PTPRG: variants seen among roughly 807,000 people sequenced by gnomAD.
PTPRG encodes the protein protein tyrosine phosphatase receptor type G.
In PTPRG, 102 loss-of-function variants were observed where a neutral mutation model predicts 165.3. The observed-to-expected ratio is 0.62, with a 90% confidence interval of 0.53 to 0.73. The LOEUF is 0.73. PTPRG is among the 30% of genes least tolerant of loss of function. The pLI is 0.00. For missense variants in PTPRG, 1,866 were observed against 1,861.4 expected (o/e 1.00, Z -0.05); for synonymous variants, 675 against 669.5 (o/e 1.01, Z -0.13).
At chr3:62,014,643 G>A (rs739984) in intron 4 of PTPRG, among the ~76,000 whole-genome samples, 35,684 of 151,930 alleles carry the variant, frequency 0.23, 4,792 homozygotes, top group African/African-American at 0.37. Context: ...GGGAAGACTT[G>A]GAGTGAGAGA....
At chr3:61,729,617 T>C (rs1317924222) in intron 1 of PTPRG, among the ~76,000 whole-genome samples, 1 of 152,222 alleles carries the variant, frequency 6.6e-6, no homozygotes, top group African/African-American at 2.4e-5. Flanking sequence ...AAATGAGCTT[T>C]ACTTTTACAC....
chr3:61,730,028 C>T (rs961581816), intron 1 of PTPRG, among the ~76,000 whole-genome samples: 7 of 152,094 alleles, frequency 4.6e-5, no homozygotes, highest in South Asian at 2.1e-4. Context: ...AATGATAGTG[C>T]GTCTTATTTT....
chr3:61,894,301 C>CAAA lies in PTPRG; in HGVS notation c.191-95293_191-95291dup, dbSNP rs767479285. Among the ~76,000 whole-genome samples, 408 of 49,840 alleles carry CAAA rather than the reference C, an allele frequency of 8.2e-3. 63 individuals are homozygous for CAAA. The highest frequency in any genetic ancestry group is 0.034 in the East Asian group (35 of 1,040). 32.7% of individuals were successfully genotyped at this position (49,840 alleles called of 152,430 possible). On this transcript the variant is annotated intron_variant, in intron 2 of 29. Coordinates refer to ENST00000474889, the MANE Select transcript of PTPRG (RefSeq NM_002841.4). ...CGGGCAACAGAGCAAGACTCTGTGT[C>CAAA]AAAAAAAAAAAAAAAAAAAAAAAAA... is the stretch of plus-strand genomic sequence containing the variant.
At chr3:62,192,106 TCAC>T (rs1382634632) in intron 9 of PTPRG, among the ~76,000 whole-genome samples, 2 of 152,170 alleles carry the variant, frequency 1.3e-5, no homozygotes, top group African/African-American at 4.8e-5. Flanking sequence ...GCTGCTGATG[TCAC>T]CACCACCACT....
At position 61,562,237 on chromosome 3, in the gene PTPRG, T is replaced by C. The variant is rs369507033; in HGVS notation, c.-51T>C. On this transcript the variant is annotated 5_prime_UTR_variant, in exon 1 of 30. Coordinates refer to ENST00000474889, the MANE Select transcript of PTPRG (RefSeq NM_002841.4). ...AGGCTCGCACGGAGGCAAGAACTTA[T>C]TCAACAAGTTTACCTCCCTGCTTTC... The C allele has an allele frequency of 3.3e-5, 51 of 1,536,944 alleles. 1 individual carries two copies. The highest frequency in any genetic ancestry group is 2.8e-4 in the South Asian group (25 of 89,558).
intron 2 of PTPRG, among the ~76,000 whole-genome samples, chr3:61,755,495 C>G (rs1295316251): frequency 1.3e-5 from 2 of 152,192 alleles, no homozygotes; most frequent in African/African-American, 4.8e-5. Flanking sequence ...CTACATATCC[C>G]TATTAATCTT....
At chr3:61,701,001 G>A (rs1373711148) in intron 1 of PTPRG, among the ~76,000 whole-genome samples, 1 of 152,300 alleles carries the variant, frequency 6.6e-6, no homozygotes, top group African/African-American at 2.4e-5. Context: ...AGGAAGTGAA[G>A]ACAGTCTAGG....
At position 61,562,238 on chromosome 3, in the gene PTPRG, TCAA is replaced by T. The variant is rs757344090; in HGVS notation, c.-46_-44del. ...GGCTCGCACGGAGGCAAGAACTTATTCAACAAGTTTACCTCCCTGCTTTCCTCT... is the reference window on the plus strand; with the variant it reads ...GGCTCGCACGGAGGCAAGAACTTATTCAAGTTTACCTCCCTGCTTTCCTCT... On this transcript the variant is annotated 5_prime_UTR_variant, in exon 1 of 30. Transcript: ENST00000474889. The T allele has an allele frequency of 1.3e-6, 2 of 1,544,126 alleles. No individual in the cohort carries two copies. Among genetic ancestry groups the T allele is most frequent in the Non-Finnish European group, 1.8e-6 (2 of 1,116,464 alleles).
intron 1 of PTPRG, among the ~76,000 whole-genome samples, chr3:61,601,977 C>T (rs1487423207): frequency 6.6e-6 from 1 of 152,212 alleles, no homozygotes; most frequent in Non-Finnish European, 1.5e-5. Context: ...TAGAGCGTTG[C>T]TGTCAACCTT....
chr3:61,700,719 C>T (rs1420107701), intron 1 of PTPRG, among the ~76,000 whole-genome samples: 2 of 152,168 alleles, frequency 1.3e-5, no homozygotes, highest in African/African-American at 4.8e-5. Flanking sequence ...CCAGAATATT[C>T]ACATTTTGGG....
At chr3:61,855,856 C>A (rs941181449) in intron 2 of PTPRG, among the ~76,000 whole-genome samples, 26 of 151,860 alleles carry the variant, frequency 1.7e-4, no homozygotes, top group Non-Finnish European at 3.1e-4. Flanking sequence ...GGCATTAAAC[C>A]AAGGAAGTGT....
At chr3:61,801,846 C>T (rs921879406) in intron 2 of PTPRG, among the ~76,000 whole-genome samples, 4 of 152,144 alleles carry the variant, frequency 2.6e-5, no homozygotes, top group South Asian at 2.1e-4. Flanking sequence ...GGTGAAACTC[C>T]GGCTCTACTA....
chr3:61,740,703 T>C (rs2032942488), intron 1 of PTPRG, among the ~76,000 whole-genome samples: 1 of 152,218 alleles, frequency 6.6e-6, no homozygotes, highest in South Asian at 2.1e-4. Flanking sequence ...GTGTGATTCC[T>C]CTTTCCCTTG....
In PTPRG at chr3:61,562,372, G is replaced by C; in HGVS notation, c.85G>C (p.Ala29Pro). Residue 29 changes from alanine (A) to proline (P), a missense_variant and splice_region_variant, in exon 1 of 30, where the codon GCG becomes CCG. Coordinates refer to ENST00000474889, the MANE Select transcript of PTPRG (RefSeq NM_002841.4). ...SVLHYVVCFP[A>P]LTEGYVGALH... ...GCTCCATTATGTCGTGTGCTTCCCCGGTGAGTGCCGGCCGCCGAGGGGATG... is the reference window on the plus strand; with the variant it reads ...GCTCCATTATGTCGTGTGCTTCCCCCGTGAGTGCCGGCCGCCGAGGGGATG... The C allele has an allele frequency of 6.2e-7, 1 of 1,613,266 alleles. No homozygotes were observed. The highest frequency in any genetic ancestry group is 8.5e-7 in the Non-Finnish European group (1 of 1,179,498).
chr3:62,043,130 C>T (rs1300964046), intron 4 of PTPRG, among the ~76,000 whole-genome samples: 1 of 152,098 alleles, frequency 6.6e-6, no homozygotes, highest in Non-Finnish European at 1.5e-5. Context: ...ATGAGAAAGG[C>T]AAAACTCATT....
intron 1 of PTPRG, among the ~76,000 whole-genome samples, chr3:61,589,645 T>C (rs1270056784): frequency 6.6e-6 from 1 of 152,146 alleles, no homozygotes; most frequent in Non-Finnish European, 1.5e-5. Flanking sequence ...GGTGTCAGTA[T>C]GCGTAGCTCA....
rs150643033 is a variant in PTPRG at position 62,127,887 on chromosome 3, A to T, written c.616-4715A>T. Reference sequence around the variant, plus strand: ...CCTCCTGTAGAGCCTCCAGGTAAACATATCTCTAGAGATTATTGATAGCTT... The same window carrying T: ...CCTCCTGTAGAGCCTCCAGGTAAACTTATCTCTAGAGATTATTGATAGCTT... On this transcript the variant is annotated intron_variant, in intron 5 of 29. Transcript: ENST00000474889. 2.1e-3 allele frequency among the ~76,000 whole-genome samples: 327 copies of T among 152,338 alleles called. 1 individual carries two copies. The highest frequency in any genetic ancestry group is 7.4e-3 in the African/African-American group (306 of 41,568).
chr3:62,191,722 G>C, intron 9 of PTPRG, 69 bp downstream of exon 9: 1 of 1,456,412 alleles, frequency 6.9e-7, no homozygotes, highest in South Asian at 1.3e-5. Flanking sequence ...CTCTCTGCCA[G>C]GCACTGCACA....
At chr3:61,726,523 C>T (rs899354560) in intron 1 of PTPRG, among the ~76,000 whole-genome samples, 3 of 152,118 alleles carry the variant, frequency 2.0e-5, no homozygotes, top group African/African-American at 7.2e-5. Flanking sequence ...TGTAAGTAGG[C>T]ACTTTCCTAC....
Sources: gnomAD v4.1 joint callset for allele counts (sites outside exome capture counted in the v4.1 genomes callset) on GRCh38, gnomAD v4.1.1 for gene constraint, MANE v1.5 for transcripts, NCBI Gene and HGNC (gene_info 2026-07-23, HGNC 2026-07-21) for gene names.